Variants in AFAP1L2 observed in about 807,000 individuals in gnomAD.
AFAP1L2 encodes actin filament-associated protein 1-like 2.
Under a neutral mutation model 99.3 loss-of-function variants are expected in AFAP1L2, and 46 were observed. That is an observed-to-expected ratio of 0.46 (90% confidence interval 0.37 to 0.59). AFAP1L2 has a LOEUF of 0.59. Among genes scored for constraint, AFAP1L2 ranks in the 20% least tolerant of loss-of-function variants. The pLI is 0.00. For synonymous variants in AFAP1L2, 397 were observed against 419.1 expected (o/e 0.95, Z 0.64); for missense variants, 959 against 1,034.9 (o/e 0.93, Z 1.01).
intron 7 of AFAP1L2, 45 bp downstream of exon 7, chr10:114,313,826 C>A: frequency 6.5e-7 from 1 of 1,536,526 alleles, no homozygotes; most frequent in South Asian, 1.2e-5. Context: ...AAGCTGGGGG[C>A]CACAACTCTA....
intron 4 of AFAP1L2, among the ~76,000 whole-genome samples, chr10:114,324,399 C>A (rs1347802412): frequency 5.9e-4 from 5 of 8,444 alleles, no homozygotes; most frequent in Admixed American, 1.3e-3. Flanking sequence ...GTGCACCACC[C>A]CCCCCCCCCC....
rs540007841 is a variant in AFAP1L2, at chr10:114,302,382, C to T, written c.1387G>A (p.Asp463Asn). Residue 463 changes from aspartate to asparagine, a missense_variant, in exon 12 of 19, where the codon GAT (aspartate) becomes AAT (asparagine). Asp to Asn is a conservative substitution (Grantham distance 23). Coordinates refer to ENST00000304129, the MANE Select transcript of AFAP1L2 (RefSeq NM_001001936.3). ...GCACTCACAATACAGGAGACCCTAT[C>T]GGCATCCACATAGTCGTAGGTGAAC... Reference protein sequence around the residue: ...EEFTYDYVDADRVSCIVSAAK... With the variant: ...EEFTYDYVDANRVSCIVSAAK... 2.3e-5 allele frequency: 37 copies of T among 1,614,132 alleles called. No homozygotes were observed. Among genetic ancestry groups the T allele is most frequent in the South Asian group, 1.1e-4 (10 of 91,082 alleles).
intron 1 of AFAP1L2, among the ~76,000 whole-genome samples, chr10:114,352,479 T>TAAAAAAAAAAAAAAAAAAAAAAAAAAA (rs766929781): frequency 1.4e-5 from 1 of 71,372 alleles, no homozygotes; most frequent in African/African-American, 5.5e-5. Context: ...GTCTCCAAAT[T>TAAAAAAAAAAAAAAAAAAAAAAAAAAA]AAAAAAAAAA....
chr10:114,312,817 T>C (rs2134610122), intron 7 of AFAP1L2, among the ~76,000 whole-genome samples: 1 of 152,308 alleles, frequency 6.6e-6, no homozygotes, highest in South Asian at 2.1e-4. Context: ...TTGAAGATTT[T>C]GCAATAAAGA....
chr10:114,384,512 C>T (rs1397319450), intron 1 of AFAP1L2, among the ~76,000 whole-genome samples: 1 of 152,224 alleles, frequency 6.6e-6, no homozygotes, highest in Non-Finnish European at 1.5e-5. Flanking sequence ...GCTTGAATGG[C>T]ATGTGGCTGA....
At chr10:114,288,829 A>G in the AFAP1L2 span, 1 of 1,145,372 alleles carries the variant, frequency 8.7e-7, no homozygotes, top group Non-Finnish European at 1.2e-6. Flanking sequence ...TGCAGTGAAC[A>G]GAGCACCCTG....
At chr10:114,341,977 G>A (rs1176327370) in intron 1 of AFAP1L2, among the ~76,000 whole-genome samples, 1 of 152,230 alleles carries the variant, frequency 6.6e-6, no homozygotes, top group Admixed American at 6.5e-5. Flanking sequence ...GTAAGGAAAG[G>A]AAAAGAAGCA....
At chr10:114,323,052 G>T in intron 5 of AFAP1L2, 119 bp downstream of exon 5, 1 of 893,132 alleles carries the variant, frequency 1.1e-6, no homozygotes, top group Non-Finnish European at 1.7e-6. Context: ...CAGCAGCCCA[G>T]ACTACCCTCT....
intron 1 of AFAP1L2, among the ~76,000 whole-genome samples, chr10:114,341,431 G>A (rs947649868): frequency 6.6e-6 from 1 of 151,992 alleles, no homozygotes; most frequent in African/African-American, 2.4e-5. Flanking sequence ...GACCAACAGG[G>A]TGAAACCCCC....
chr10:114,300,540 G>T lies in AFAP1L2; in HGVS notation c.1693C>A (p.Leu565Met). The T allele has an allele frequency of 6.2e-7, 1 of 1,614,158 alleles. No individual in the cohort carries two copies. Among genetic ancestry groups the T allele is most frequent in the Non-Finnish European group, 8.5e-7 (1 of 1,180,006 alleles). ...GGGAGGGCCTCAGTTGCATTGTCCA[G>T]GCAGGACAACGTCGGGGAGGAGGCC... Reference protein sequence around the residue: ...AQASSPTLSCLDNATEALPAD... With the variant: ...AQASSPTLSCMDNATEALPAD... Residue 565 changes from leucine to methionine, a missense_variant, in exon 14 of 19, where the codon CTG becomes ATG. Transcript: ENST00000304129.
At chr10:114,403,502 G>T (rs1209446536) in intron 1 of AFAP1L2, among the ~76,000 whole-genome samples, 2 of 152,212 alleles carry the variant, frequency 1.3e-5, no homozygotes, top group Non-Finnish European at 1.5e-5. Context: ...GTTTGGCGGA[G>T]ACCGGTCCAG....
chr10:114,350,506 G>C (rs945945293), intron 1 of AFAP1L2, among the ~76,000 whole-genome samples: 2 of 152,192 alleles, frequency 1.3e-5, no homozygotes, highest in African/African-American at 4.8e-5. Context: ...TAAACAGATA[G>C]ACAGACACAT....
intron 1 of AFAP1L2, among the ~76,000 whole-genome samples, chr10:114,360,469 C>A (rs546786138): frequency 1.1e-4 from 15 of 133,958 alleles, no homozygotes; most frequent in Admixed American, 2.2e-4. Flanking sequence ...AGATAGATAC[C>A]TCGATATCTC....
intron 1 of AFAP1L2, among the ~76,000 whole-genome samples, chr10:114,366,084 C>G (rs970719080): frequency 6.6e-6 from 1 of 152,134 alleles, no homozygotes; most frequent in Admixed American, 6.5e-5. Flanking sequence ...CCATCTCTAT[C>G]TTTGGGGCTA....
At chr10:114,286,053 G>C in the AFAP1L2 span, 1 of 1,614,170 alleles carries the variant, frequency 6.2e-7, no homozygotes, top group Non-Finnish European at 8.5e-7. Context: ...CGGTTTGTGC[G>C]GGCCGTGCTG....
Position 114,313,725 on chromosome 10 carries a change from C to CCACTTAGAACCACTT in AFAP1L2, c.792+145_792+146insAAGTGGTTCTAAGTG, listed in dbSNP as rs2043632435. On this transcript the variant is annotated intron_variant, in intron 7 of 18. Transcript: ENST00000304129. ...CACGCTGTAACCCATTTGCAGAAGACAGATCGTTACCACTTAGAACACAGG... is the reference window on the plus strand; with the variant it reads ...CACGCTGTAACCCATTTGCAGAAGACCACTTAGAACCACTTAGATCGTTACCACTTAGAACACAGG... 1.1e-5 allele frequency: 9 copies of CCACTTAGAACCACTT among 810,260 alleles called. No homozygotes were observed. In the South Asian group the frequency reaches 1.9e-4, roughly 17 times the overall value. The allele number at this position is 810,260 out of a possible 1,614,324, so 50.2% of individuals were successfully genotyped here. A position where few individuals can be genotyped will look rare whatever the true frequency, so the allele number is the denominator to read the frequency against.
At chr10:114,301,270 C>A (rs2041133862) in intron 13 of AFAP1L2, 84 bp downstream of exon 13, 1 of 1,164,700 alleles carries the variant, frequency 8.6e-7, no homozygotes, top group African/African-American at 1.5e-5. Flanking sequence ...CAGGGATACT[C>A]TAATGATCTC....
chr10:114,321,981 G>T (rs1356527251), intron 5 of AFAP1L2, among the ~76,000 whole-genome samples: 1 of 152,204 alleles, frequency 6.6e-6, no homozygotes, highest in South Asian at 2.1e-4. Context: ...TCATGGGAGG[G>T]ACCTGGTGGG....
intron 5 of AFAP1L2, among the ~76,000 whole-genome samples, chr10:114,321,824 C>T (rs1464098062): frequency 6.6e-6 from 1 of 152,182 alleles, no homozygotes; most frequent in Non-Finnish European, 1.5e-5. Context: ...AGCCATCAGC[C>T]AAGGACAGAG....
Sources: allele counts gnomAD v4.1 joint callset (sites outside exome capture counted in the v4.1 genomes callset), GRCh38; gene constraint gnomAD v4.1.1; transcripts MANE v1.5; gene names NCBI Gene and HGNC (gene_info 2026-07-23, HGNC 2026-07-21).